Variants in ARHGEF3 observed in about 807,000 individuals in gnomAD.
ARHGEF3 encodes 59.8 kDA protein.
A neutral mutation model predicts 63.2 loss-of-function variants in ARHGEF3; 28 were observed. That is an observed-to-expected ratio of 0.44 (90% CI 0.33 to 0.61). ARHGEF3 has a LOEUF of 0.61. Among genes scored for constraint, ARHGEF3 ranks in the 20% least tolerant of loss-of-function variants. ARHGEF3 has a pLI of 0.03. For synonymous variants in ARHGEF3, 266 were observed against 254.2 expected (o/e 1.05, Z -0.44); for missense variants, 533 against 659.3 (o/e 0.81, Z 2.10).
intron 2 of ARHGEF3, among the ~76,000 whole-genome samples, chr3:56,760,149 C>T (rs1306830342): frequency 6.6e-6 from 1 of 152,072 alleles, no homozygotes; most frequent in Non-Finnish European, 1.5e-5. Flanking sequence ...AAGTGGAATT[C>T]CTTGGTCTAA....
At position 57,058,891 on chromosome 3, in the gene ARHGEF3, G is replaced by A. The variant is rs866674241; in HGVS notation, c.-28+20335C>T. Among the ~76,000 whole-genome samples, 209 of 150,760 alleles carry A rather than the reference G, an allele frequency of 1.4e-3. 2 individuals are homozygous for A. Among genetic ancestry groups the A allele is most frequent in the African/African-American group, 4.7e-3 (191 of 41,030 alleles). The stretch of plus-strand genomic sequence containing the variant: ...ATCATTCTCAGCAAACTATCGCAAG[G>A]ACAAGAAACCAAACACCGCATGTTC... On this transcript the variant is annotated intron_variant, in intron 1 of 12. Transcript: ENST00000338458.
At chr3:57,053,581 C>A (rs1201588279) in intron 1 of ARHGEF3, among the ~76,000 whole-genome samples, 1 of 152,188 alleles carries the variant, frequency 6.6e-6, no homozygotes, top group Non-Finnish European at 1.5e-5. Flanking sequence ...TATTTATACC[C>A]CAATGTGATC....
intron 3 of ARHGEF3, among the ~76,000 whole-genome samples, chr3:56,895,589 G>T (rs1166754247): frequency 6.6e-6 from 1 of 151,788 alleles, no homozygotes; most frequent in Non-Finnish European, 1.5e-5. Flanking sequence ...TCAGCCTCCC[G>T]AGCAGGTGGG....
chr3:56,922,559 C>G (rs1407969140), intron 3 of ARHGEF3, among the ~76,000 whole-genome samples: 1 of 152,000 alleles, frequency 6.6e-6, no homozygotes, highest in Non-Finnish European at 1.5e-5. Flanking sequence ...CTGCCTAGAT[C>G]AAAAAACAAT....
intron 3 of ARHGEF3, among the ~76,000 whole-genome samples, chr3:56,925,282 T>C (rs184667904): frequency 2.0e-5 from 3 of 152,362 alleles, no homozygotes; most frequent in African/African-American, 7.2e-5. Context: ...TTACAATAAC[T>C]GTTTGGTGGT....
chr3:57,032,786 A>G (rs571294822), intron 2 of ARHGEF3, among the ~76,000 whole-genome samples: 4 of 152,312 alleles, frequency 2.6e-5, no homozygotes, highest in Non-Finnish European at 2.9e-5. Context: ...TAGGGTTAGA[A>G]GGAGAAGCAG....
chr3:56,999,224 A>G (rs574185292), intron 2 of ARHGEF3, among the ~76,000 whole-genome samples: 19 of 151,948 alleles, frequency 1.3e-4, no homozygotes, highest in Admixed American at 1.0e-3. Flanking sequence ...GCTAATTTTT[A>G]TCTTCTTAGT....
chr3:56,918,200 T>G (rs2042033683), intron 3 of ARHGEF3, among the ~76,000 whole-genome samples: 1 of 152,186 alleles, frequency 6.6e-6, no homozygotes, highest in Admixed American at 6.5e-5. Context: ...AGAAAGACAG[T>G]GCCCTGGGAA....
intron 1 of ARHGEF3, among the ~76,000 whole-genome samples, chr3:57,058,239 G>A (rs1705029619): frequency 6.6e-6 from 1 of 152,116 alleles, no homozygotes; most frequent in South Asian, 2.1e-4. Flanking sequence ...CTCCCTCAAG[G>A]GCCAATCTAC....
intron 3 of ARHGEF3, among the ~76,000 whole-genome samples, chr3:56,917,609 A>C (rs2042020806): frequency 1.3e-5 from 2 of 152,178 alleles, no homozygotes; most frequent in Admixed American, 1.3e-4. Context: ...GGGGTCCAGG[A>C]AATAAGTGAG....
chr3:57,014,192 C>T (rs529383862), intron 2 of ARHGEF3, among the ~76,000 whole-genome samples: 1 of 152,096 alleles, frequency 6.6e-6, no homozygotes, highest in African/African-American at 2.4e-5. Context: ...ACGAACCCAC[C>T]AGAAGGAAAA....
intron 4 of ARHGEF3, among the ~76,000 whole-genome samples, chr3:56,812,848 T>C (rs561640656): frequency 1.3e-5 from 2 of 152,224 alleles, no homozygotes; most frequent in African/African-American, 4.8e-5. Flanking sequence ...TGTTCTCCCC[T>C]CCTAGAGCCT....
chr3:57,044,992 C>G (rs547451213), intron 1 of ARHGEF3, among the ~76,000 whole-genome samples: 1 of 152,308 alleles, frequency 6.6e-6, no homozygotes, highest in East Asian at 1.9e-4. Context: ...ATTGGCCGGA[C>G]GTGGTGGCTC....
intron 2 of ARHGEF3, among the ~76,000 whole-genome samples, chr3:57,030,358 G>A (rs910812552): frequency 2.6e-5 from 4 of 152,104 alleles, no homozygotes; most frequent in Admixed American, 1.3e-4. Context: ...GGAGATTTTT[G>A]TTTTGGAAAA....
intron 1 of ARHGEF3, among the ~76,000 whole-genome samples, chr3:57,044,272 C>T (rs1322488020): frequency 9.2e-5 from 14 of 152,118 alleles, no homozygotes; most frequent in Admixed American, 5.9e-4. Flanking sequence ...TCAGGACACC[C>T]GCGCCATGGA....
chr3:56,999,565 G>A (rs1273615545), intron 2 of ARHGEF3, among the ~76,000 whole-genome samples: 1 of 152,122 alleles, frequency 6.6e-6, no homozygotes, highest in African/African-American at 2.4e-5. Context: ...CAACAGTTTG[G>A]GAGGCCAAGG....
chr3:56,810,007 C>T (rs112214844), intron 4 of ARHGEF3, among the ~76,000 whole-genome samples: 4,604 of 152,200 alleles, frequency 0.03, 79 homozygotes, highest in Non-Finnish European at 0.04. Context: ...GGATTACAGA[C>T]GTCAGCCACC....
intron 3 of ARHGEF3, among the ~76,000 whole-genome samples, chr3:56,924,251 T>C (rs914267958): frequency 6.6e-6 from 1 of 152,220 alleles, no homozygotes; most frequent in Non-Finnish European, 1.5e-5. Context: ...TGAGAACTAG[T>C]TGCTTCCAAA....
Position 56,754,970 on chromosome 3 carries a change from C to T in ARHGEF3, c.375+11G>A. On this transcript the variant is annotated intron_variant, in intron 3 of 9. Transcript: ENST00000296315. ...CAGACACACAGCCAGCTCCATGGGC[C>T]CCGAGCCTACCTCCTGACGTTTGAT... The T allele has an allele frequency of 4.3e-6, 7 of 1,614,120 alleles. No homozygotes were observed. Among genetic ancestry groups the T allele is most frequent in the Non-Finnish European group, 5.9e-6 (7 of 1,180,014 alleles).
Sources: allele counts gnomAD v4.1 joint callset (sites outside exome capture counted in the v4.1 genomes callset), GRCh38; gene constraint gnomAD v4.1.1; transcripts MANE v1.5; gene names NCBI Gene and HGNC (gene_info 2026-07-23, HGNC 2026-07-21).